Variants in OR1J2 observed in about 807,000 individuals in gnomAD.
The protein encoded by OR1J2 is olfactory receptor 1J2.
For missense variants in OR1J2, 304 were observed against 246.1 expected (o/e 1.24, Z -1.57); for synonymous variants, 142 against 99.7 (o/e 1.42, Z -2.52).
the OR1J2 span, among the ~76,000 whole-genome samples, chr9:122,550,538 G>A: frequency 6.7e-6 from 1 of 148,254 alleles, no homozygotes; most frequent in Admixed American, 6.8e-5. Context: ...ACATCAAAAA[G>A]ATAATACACC....
the OR1J2 span, among the ~76,000 whole-genome samples, chr9:122,542,378 A>G: frequency 1.1e-4 from 17 of 152,194 alleles, no homozygotes; most frequent in Non-Finnish European, 2.2e-4. Context: ...AGGGTAAGTA[A>G]TATTTAGCTT....
chr9:122,519,251 C>G, the OR1J2 span: 1 of 1,614,056 alleles, frequency 6.2e-7, no homozygotes, highest in Non-Finnish European at 8.5e-7. Flanking sequence ...TGTACCTGAT[C>G]ACGGTGCTGG....
chr9:122,526,282 TG>T, the OR1J2 span: 2 of 806,912 alleles, frequency 2.5e-6, no homozygotes, highest in Non-Finnish European at 3.7e-6. Context: ...GGCTAGTGTG[TG>T]GTAGACCCCA....
the OR1J2 span, among the ~76,000 whole-genome samples, chr9:122,552,616 C>G: frequency 6.6e-6 from 1 of 152,046 alleles, no homozygotes; most frequent in Non-Finnish European, 1.5e-5. Flanking sequence ...GCTCACATAT[C>G]CTTTGCCGCT....
At chr9:122,471,913 TC>T in the OR1J2 span, among the ~76,000 whole-genome samples, 2 of 152,184 alleles carry the variant, frequency 1.3e-5, no homozygotes, top group African/African-American at 4.8e-5. Context: ...CCTGCTAGAC[TC>T]CATGAAATTT....
chr9:122,455,263 A>G, the OR1J2 span, among the ~76,000 whole-genome samples: 2 of 152,286 alleles, frequency 1.3e-5, no homozygotes, highest in South Asian at 2.1e-4. Flanking sequence ...GTCATCTTGT[A>G]TCTTTGTTTA....
the OR1J2 span, among the ~76,000 whole-genome samples, chr9:122,502,915 G>A: frequency 6.6e-6 from 1 of 152,132 alleles, no homozygotes; most frequent in Non-Finnish European, 1.5e-5. Flanking sequence ...TAGTCTAAAT[G>A]CATTCTTCTT....
chr9:122,532,672 G>A, the OR1J2 span, among the ~76,000 whole-genome samples: 1 of 151,506 alleles, frequency 6.6e-6, no homozygotes, highest in African/African-American at 2.4e-5. Flanking sequence ...AGTGAGTTGA[G>A]CATAGTTTGT....
At chr9:122,574,557 T>C in the OR1J2 span, among the ~76,000 whole-genome samples, 1 of 152,196 alleles carries the variant, frequency 6.6e-6, no homozygotes, top group Non-Finnish European at 1.5e-5. Context: ...GCACTCTTGC[T>C]GTAATTGCTT....
At chr9:122,568,637 T>C in the OR1J2 span, 7 of 556,086 alleles carry the variant, frequency 1.3e-5, no homozygotes, top group South Asian at 1.4e-4. Flanking sequence ...TGGTCCTTGA[T>C]GGGGTCCTCC....
the OR1J2 span, among the ~76,000 whole-genome samples, chr9:122,452,172 C>T: frequency 6.6e-6 from 1 of 152,176 alleles, no homozygotes; most frequent in African/African-American, 2.4e-5. Context: ...GTCACCGCGC[C>T]CAGCCCAAGG....
chr9:122,561,809 C>T, the OR1J2 span, among the ~76,000 whole-genome samples: 1 of 152,160 alleles, frequency 6.6e-6, no homozygotes, highest in Non-Finnish European at 1.5e-5. Flanking sequence ...GGGTCTCACC[C>T]AGTTGGTGGC....
the OR1J2 span, among the ~76,000 whole-genome samples, chr9:122,484,047 A>G: frequency 6.6e-6 from 1 of 150,836 alleles, no homozygotes; most frequent in Non-Finnish European, 1.5e-5. Flanking sequence ...TTCATGAAGT[A>G]ATCAATATTA....
chr9:122,559,825 T>C, the OR1J2 span, among the ~76,000 whole-genome samples: 3 of 151,826 alleles, frequency 2.0e-5, no homozygotes, highest in African/African-American at 7.2e-5. Context: ...AGTTCTGAGT[T>C]CTGTCGACGT....
chr9:122,520,548 A>G, the OR1J2 span, among the ~76,000 whole-genome samples: 1 of 152,210 alleles, frequency 6.6e-6, no homozygotes, highest in East Asian at 1.9e-4. Flanking sequence ...AAAGCTATTC[A>G]CTGTCATAAG....
chr9:122,529,935 T>G, the OR1J2 span, among the ~76,000 whole-genome samples: 1 of 152,188 alleles, frequency 6.6e-6, no homozygotes, highest in Non-Finnish European at 1.5e-5. Flanking sequence ...TAGATGTTCT[T>G]AATTTGAGGG....
chr9:122,538,337 C>T, the OR1J2 span, among the ~76,000 whole-genome samples: 1 of 152,138 alleles, frequency 6.6e-6, no homozygotes, highest in Non-Finnish European at 1.5e-5. Flanking sequence ...AGAAGTCTTT[C>T]ACTTCCTTGG....
chr9:122,470,028 G>A, the OR1J2 span, among the ~76,000 whole-genome samples: 4 of 152,170 alleles, frequency 2.6e-5, no homozygotes, highest in Non-Finnish European at 5.9e-5. Flanking sequence ...CAATGTCATA[G>A]GATAGAAAAT....
chr9:122,459,041 T>G, the OR1J2 span, among the ~76,000 whole-genome samples: 1 of 152,228 alleles, frequency 6.6e-6, no homozygotes, highest in Admixed American at 6.5e-5. Context: ...CTTCTCCATA[T>G]GAGTGAGAAC....
Sources: allele counts gnomAD v4.1 joint callset (sites outside exome capture counted in the v4.1 genomes callset), GRCh38; gene constraint gnomAD v4.1.1; transcripts MANE v1.5; gene names NCBI Gene and HGNC (gene_info 2026-07-23, HGNC 2026-07-21).